TPST2: variants seen among roughly 807,000 people sequenced by gnomAD.
TPST2 encodes protein-tyrosine sulfotransferase 2.
A neutral mutation model predicts 27.8 loss-of-function variants in TPST2; 16 were observed. The observed-to-expected ratio is 0.58, with a 90% CI of 0.39 to 0.88. The LOEUF is 0.88. TPST2 is among the 40% of genes least tolerant of loss of function. TPST2 has a pLI of 0.00. For missense variants in TPST2, 464 were observed against 543.1 expected (o/e 0.85, Z 1.45); for synonymous variants, 229 against 231.7 (o/e 0.99, Z 0.10).
At chr22:26,560,041 C>A (rs118147340) in intron 1 of TPST2, among the ~76,000 whole-genome samples, 2 of 152,296 alleles carry the variant, frequency 1.3e-5, no homozygotes, top group African/African-American at 4.8e-5. Flanking sequence ...AGATTTGATG[C>A]ATAACTTTGG....
At chr22:26,560,584 G>A in intron 1 of TPST2, 1 of 971,706 alleles carries the variant, frequency 1.0e-6, no homozygotes, top group Non-Finnish European at 1.7e-6. Flanking sequence ...GCATTTTTTG[G>A]GCAAACTTGT....
rs1302325056 is a variant in TPST2, at chr22:26,541,407, C to T, written c.224G>A (p.Gly75Asp). 4 of 1,565,552 alleles carry T rather than the reference C, an allele frequency of 2.6e-6. No homozygotes were observed. The highest frequency in any genetic ancestry group is 2.6e-6 in the Non-Finnish European group (3 of 1,155,264). ...CAACGTGGTGCCACTGCGAGGCACG[C>T]CACCCACGAAGATGAGCGGCATGGC... ...GKAMPLIFVG[G>D]VPRSGTTLMR... The change falls in exon 3 of 7, where the codon GGC becomes GAC. Residue 75 changes from glycine to aspartate, a missense_variant. Physicochemically the swap from Gly to Asp is moderately conservative, Grantham distance 94. Transcript: ENST00000338754. The surrounding 1 kb of genome is among the most constrained non-coding windows in gnomAD (Gnocchi z 5.9).
chr22:26,583,260 C>A (rs1366562203), intron 1 of TPST2, among the ~76,000 whole-genome samples: 1 of 150,708 alleles, frequency 6.6e-6, no homozygotes, highest in Admixed American at 6.6e-5. Flanking sequence ...CAGGGTGAAA[C>A]CCCGTCTCTA....
Position 26,536,211 on chromosome 22 carries a change from G to A in TPST2, c.1041+77C>T. 4 of 1,514,876 alleles carry A rather than the reference G, an allele frequency of 2.6e-6. No homozygotes were observed. The South Asian group carries it at 3.5e-5, about 13-fold the overall frequency. 93.8% of individuals were successfully genotyped at this position (1,514,876 alleles called of 1,614,324 possible). Reference sequence around the variant, plus strand: ...AATTGAGAGACTGAACATTTCCTCAGGTGGCTGGAGTTTCCACATCTGCAG... The same window carrying A: ...AATTGAGAGACTGAACATTTCCTCAAGTGGCTGGAGTTTCCACATCTGCAG... On this transcript the variant is annotated intron_variant, in intron 4 of 6. Transcript: ENST00000338754.
chr22:26,544,742 G>T, intron 1 of TPST2, 67 bp from the exon 2 acceptor site: 1 of 910,212 alleles, frequency 1.1e-6, no homozygotes, highest in Non-Finnish European at 1.3e-6. Context: ...CCTTCAAAGA[G>T]GCAGAGTGAG....
At chr22:26,540,392 G>A (rs900300312) in intron 3 of TPST2, among the ~76,000 whole-genome samples, 3 of 152,074 alleles carry the variant, frequency 2.0e-5, no homozygotes, top group African/African-American at 7.2e-5. Flanking sequence ...TTGAGGCCAG[G>A]AGTTTGAGAC....
At chr22:26,534,925 C>A (rs971429909) in intron 4 of TPST2, among the ~76,000 whole-genome samples, 4 of 152,140 alleles carry the variant, frequency 2.6e-5, no homozygotes, top group Non-Finnish European at 4.4e-5. Context: ...ATTCACCTGT[C>A]AATGTCGGCT....
At chr22:26,528,385 A>G in intron 5 of TPST2, 123 bp from the exon 6 acceptor site, 1 of 1,208,544 alleles carries the variant, frequency 8.3e-7, no homozygotes, top group Non-Finnish European at 1.2e-6. Flanking sequence ...TATTTACTGT[A>G]CATCTACTAT....
chr22:26,532,160 A>G (rs1177979828), intron 5 of TPST2, among the ~76,000 whole-genome samples: 1 of 152,196 alleles, frequency 6.6e-6, no homozygotes, highest in African/African-American at 2.4e-5. Flanking sequence ...CTCCAACTGC[A>G]TTCAAGCCGG....
chr22:26,533,990 C>T (rs1005094730), intron 4 of TPST2, among the ~76,000 whole-genome samples: 1 of 152,144 alleles, frequency 6.6e-6, no homozygotes, highest in African/African-American at 2.4e-5. Flanking sequence ...AAAATATTAA[C>T]ATTTCAATAT....
chr22:26,563,136 C>T (rs1927205452), intron 1 of TPST2, among the ~76,000 whole-genome samples: 1 of 152,112 alleles, frequency 6.6e-6, no homozygotes, highest in Admixed American at 6.6e-5. Context: ...GAGGTCTTTC[C>T]GTGTCAGCAT....
At position 26,544,671 on chromosome 22, in the gene TPST2, G is replaced by A; in HGVS notation, c.-156C>T. On this transcript the variant is annotated 5_prime_UTR_variant, in exon 2 of 7. Transcript: ENST00000338754. The stretch of plus-strand genomic sequence containing the variant: ...TGTGTGCCAAGGCTGTCTGCTGGCA[G>A]AGCCCTGGAGAGGCAAAGGAGATAT... 5.1e-6 allele frequency: 5 copies of A among 985,998 alleles called. No homozygotes were observed. Among genetic ancestry groups the A allele is most frequent in the Non-Finnish European group, 6.0e-6 (5 of 830,010 alleles). The allele number at this position is 985,998 out of a possible 1,614,324, so 61.1% of individuals were successfully genotyped here.
intron 1 of TPST2, among the ~76,000 whole-genome samples, chr22:26,586,064 C>A (rs556157312): frequency 4.6e-5 from 7 of 151,596 alleles, no homozygotes; most frequent in Admixed American, 1.3e-4. Flanking sequence ...TAATAATAAT[C>A]ATAATAATAC....
At chr22:26,556,987 G>A (rs182440752) in intron 1 of TPST2, among the ~76,000 whole-genome samples, 1 of 152,386 alleles carries the variant, frequency 6.6e-6, no homozygotes, top group East Asian at 1.9e-4. Flanking sequence ...ACAAAGCTGA[G>A]GCAGGAAGAC....
chr22:26,577,079 G>C lies in TPST2; in HGVS notation c.-161+12974C>G, dbSNP rs181950457. 3.0e-3 allele frequency among the ~76,000 whole-genome samples: 387 copies of C among 130,286 alleles called. 1 individual carries two copies. Among genetic ancestry groups the C allele is most frequent in the African/African-American group, 0.01 (353 of 34,376 alleles). 85.5% of individuals were successfully genotyped at this position (130,286 alleles called of 152,430 possible). On this transcript the variant is annotated intron_variant, in intron 1 of 6. Transcript: ENST00000338754. ...CCACTGCACTCCAGCCTGGGCGACA[G>C]AACGAGACTCTGTTGCAAAAAAAAA...
intron 3 of TPST2, among the ~76,000 whole-genome samples, chr22:26,536,691 A>C (rs1049297497): frequency 1.3e-5 from 2 of 152,208 alleles, no homozygotes; most frequent in Non-Finnish European, 2.9e-5. Context: ...GCATGCAGTG[A>C]GAAGTCAGAA....
At chr22:26,537,897 T>C (rs1925564610) in intron 3 of TPST2, among the ~76,000 whole-genome samples, 1 of 152,196 alleles carries the variant, frequency 6.6e-6, no homozygotes, top group Non-Finnish European at 1.5e-5. Context: ...CTCACTCTTT[T>C]TGCCAGCTAT....
intron 1 of TPST2, among the ~76,000 whole-genome samples, chr22:26,549,431 G>C (rs1926323141): frequency 6.6e-6 from 1 of 152,098 alleles, no homozygotes; most frequent in African/African-American, 2.4e-5. Flanking sequence ...GGCCAAGGTG[G>C]ACAGATCACG....
intron 1 of TPST2, among the ~76,000 whole-genome samples, chr22:26,553,369 G>GTT (rs34711379): frequency 4.2e-4 from 61 of 143,570 alleles, no homozygotes; most frequent in African/African-American, 8.7e-4. Context: ...ATGCCTGGCA[G>GTT]TTTTTTTTTT....
Sources: gnomAD v4.1 joint callset for allele counts (sites outside exome capture counted in the v4.1 genomes callset) on GRCh38, gnomAD v4.1.1 for gene constraint, Gnocchi (gnomAD v3.1) non-coding constraint, MANE v1.5 for transcripts, NCBI Gene and HGNC (gene_info 2026-07-23, HGNC 2026-07-21) for gene names.